Variants in CAST observed in about 807,000 individuals in gnomAD.
CAST encodes the protein MIR583 host.
CAST carries 76 observed loss-of-function variants against 119.6 expected under a neutral mutation model. The observed-to-expected ratio is 0.64, with a 90% CI of 0.53 to 0.77. The LOEUF (loss-of-function observed/expected upper bound fraction) is 0.77, where lower values mean the gene tolerates loss of function less well. Ranked by LOEUF, CAST falls within the 30% of genes least tolerant of loss-of-function variation. The pLI is 0.00. For missense variants in CAST, 953 were observed against 946.5 expected (o/e 1.01, Z -0.09); for synonymous variants, 319 against 331.6 (o/e 0.96, Z 0.41).
At chr5:96,662,951 G>T in intron 1 of CAST, 1 of 592,336 alleles carries the variant, frequency 1.7e-6, no homozygotes, top group Non-Finnish European at 3.0e-6. Context: ...CGGGCGAGGA[G>T]GGGCGGGGCC....
chr5:96,221,918 G>A, the CAST span, among the ~76,000 whole-genome samples: 4 of 151,944 alleles, frequency 2.6e-5, no homozygotes, highest in African/African-American at 9.7e-5. Flanking sequence ...ACACACAGTC[G>A]ACGAGGAACA....
Position 96,621,091 on chromosome 5 carries a change from T to G in CAST, c.61-54448T>G, listed in dbSNP as rs547813234. Among the ~76,000 whole-genome samples, 120 of 152,312 alleles carry G rather than the reference T, an allele frequency of 7.9e-4. 2 individuals carry two copies. The South Asian group carries it at 0.011, about 14-fold the overall frequency. On this transcript the variant is annotated intron_variant, in intron 1 of 11. Transcript: ENST00000505143. ...ACCTCAAGTTCCCACGTCTTCTACC[T>G]CAAAATTTGCCCTGAAGAAAGGGGT...
At chr5:96,650,682 T>G (rs147500871) in intron 1 of CAST, among the ~76,000 whole-genome samples, 1,892 of 151,998 alleles carry the variant, frequency 0.012, 126 homozygotes, top group Admixed American at 0.1. Flanking sequence ...GCCTAAGATG[T>G]ACTTTCCATA....
At chr5:96,492,542 A>G in the CAST span, among the ~76,000 whole-genome samples, 2 of 152,236 alleles carry the variant, frequency 1.3e-5, no homozygotes, top group African/African-American at 4.8e-5. Context: ...TCGCTTACAT[A>G]GGAAAGCTCT....
chr5:96,726,230 A>G (rs1004755421), intron 4 of CAST, among the ~76,000 whole-genome samples: 139 of 151,914 alleles, frequency 9.1e-4, no homozygotes, highest in Non-Finnish European at 8.8e-5. Context: ...GAATGCATGC[A>G]TGTACTTACT....
At chr5:96,727,364 T>C in intron 5 of CAST, 125 bp from the exon 6 acceptor site, 1 of 542,040 alleles carries the variant, frequency 1.8e-6, no homozygotes, top group Non-Finnish European at 3.2e-6. Context: ...ATAATGTTTA[T>C]AATTACATTA....
At chr5:95,965,703 C>T in the CAST span, among the ~76,000 whole-genome samples, 1 of 152,150 alleles carries the variant, frequency 6.6e-6, no homozygotes, top group Non-Finnish European at 1.5e-5. Context: ...CTTTGCCCAG[C>T]CATGTACTAA....
chr5:96,267,931 G>A, the CAST span, among the ~76,000 whole-genome samples: 4 of 152,154 alleles, frequency 2.6e-5, no homozygotes, highest in Non-Finnish European at 5.9e-5. Context: ...TAGGAGGTAT[G>A]GAGTTAAAGT....
At chr5:96,579,082 G>T (rs1242634708) in intron 1 of CAST, among the ~76,000 whole-genome samples, 1 of 152,212 alleles carries the variant, frequency 6.6e-6, no homozygotes, top group Non-Finnish European at 1.5e-5. Context: ...CAGGGACAAA[G>T]AGGCTTTCTG....
At chr5:95,963,929 CG>C in the CAST span, among the ~76,000 whole-genome samples, 1 of 151,992 alleles carries the variant, frequency 6.6e-6, no homozygotes, top group Non-Finnish European at 1.5e-5. Context: ...GACATCCAAG[CG>C]GGTGGGGGAG....
upstream of CAST, among the ~76,000 whole-genome samples, chr5:96,528,396 C>A (rs142425590): frequency 7.4e-4 from 113 of 152,300 alleles, 1 homozygote; most frequent in African/African-American, 2.6e-3. Context: ...TCCAGGCAAC[C>A]ATTGGCCCCC....
chr5:96,552,588 T>C (rs745448659), intron 1 of CAST, among the ~76,000 whole-genome samples: 47 of 150,482 alleles, frequency 3.1e-4, no homozygotes, highest in Non-Finnish European at 6.4e-4. Context: ...CTGAAGGAGA[T>C]AGAGACACAA....
chr5:96,363,275 T>A, the CAST span, among the ~76,000 whole-genome samples: 1 of 149,000 alleles, frequency 6.7e-6, no homozygotes, highest in Non-Finnish European at 1.5e-5. Flanking sequence ...GTATGGTGCC[T>A]CCAGCTTTGT....
chr5:96,514,447 G>GTGAA, the CAST span, among the ~76,000 whole-genome samples: 8 of 152,228 alleles, frequency 5.3e-5, no homozygotes, highest in Middle Eastern at 3.4e-3. Flanking sequence ...TTTCTAATAA[G>GTGAA]TGAATGAATG....
intron 1 of CAST, among the ~76,000 whole-genome samples, chr5:96,643,718 T>G (rs1747981207): frequency 6.6e-6 from 1 of 151,800 alleles, no homozygotes; most frequent in African/African-American, 2.4e-5. Flanking sequence ...ACTAAAAATA[T>G]AAAAATTAGC....
intron 1 of CAST, among the ~76,000 whole-genome samples, chr5:96,666,617 T>C (rs1749372328): frequency 6.6e-6 from 1 of 152,214 alleles, no homozygotes; most frequent in Admixed American, 6.5e-5. Context: ...GCATAGACTT[T>C]AGGGTAATGG....
chr5:95,989,468 A>T, the CAST span, among the ~76,000 whole-genome samples: 1 of 152,190 alleles, frequency 6.6e-6, no homozygotes, highest in Admixed American at 6.6e-5. Flanking sequence ...GGTTCATATA[A>T]GCTGCTTTCC....
the CAST span, among the ~76,000 whole-genome samples, chr5:96,504,140 A>G: frequency 6.6e-6 from 1 of 152,132 alleles, no homozygotes; most frequent in African/African-American, 2.4e-5. Context: ...TCTTATGTCC[A>G]TTGGTCCTCT....
chr5:96,625,164 G>A (rs1208843547), intron 1 of CAST, among the ~76,000 whole-genome samples: 5 of 152,054 alleles, frequency 3.3e-5, no homozygotes, highest in African/African-American at 7.2e-5. Context: ...TTTTTTTCAT[G>A]ACAATTTTCT....
Sources: gnomAD v4.1 joint callset for allele counts (sites outside exome capture counted in the v4.1 genomes callset) on GRCh38, gnomAD v4.1.1 for gene constraint, MANE v1.5 for transcripts, NCBI Gene and HGNC (gene_info 2026-07-23, HGNC 2026-07-21) for gene names.